The following WDR59 variants were observed in gnomAD, a reference collection of about 807,000 sequenced individuals.
WDR59 encodes WD repeat domain 59, also known as GATOR2 complex protein WDR59.
In WDR59, 100 loss-of-function variants were observed where a neutral mutation model predicts 131.2. The observed-to-expected ratio is 0.76, with a 90% CI of 0.65 to 0.90. The LOEUF is 0.90. Ranked by LOEUF, WDR59 falls within the 40% of genes least tolerant of loss-of-function variation. WDR59 has a pLI of 0.00. For synonymous variants in WDR59, 601 were observed against 466.2 expected, an observed-to-expected ratio of 1.29 and a Z score of -3.72; for missense variants, 1,203 against 1,262.2, an observed-to-expected ratio of 0.95 and a Z score of 0.71.
In WDR59 at chr16:74,909,641, G is replaced by T; in HGVS notation, c.1502C>A (p.Ala501Asp). ...LESFVNQEDS[A>D]SSNPFALPNS... ...GGGGAGTGCAAACGGGTTGCTGGAA[G>T]CGCTGTCTTCCTGGTTCTGAAATTT... Residue 501 changes from alanine (A) to aspartate (D), a missense_variant, in exon 16 of 26, where the codon GCT becomes GAT. Coordinates refer to ENST00000262144, the MANE Select transcript of WDR59 (RefSeq NM_030581.4). 2 of 1,581,860 alleles carry T rather than the reference G, an allele frequency of 1.3e-6. No homozygotes were observed. The highest frequency in any genetic ancestry group is 1.7e-6 in the Non-Finnish European group (2 of 1,167,078).
At chr16:74,881,985 T>C (rs1427525252) in intron 25 of WDR59, among the ~76,000 whole-genome samples, 2 of 152,184 alleles carry the variant, frequency 1.3e-5, no homozygotes, top group South Asian at 2.1e-4. Flanking sequence ...TCTTGTGACA[T>C]TGGTTTTATT....
intron 2 of WDR59, among the ~76,000 whole-genome samples, chr16:74,962,453 G>A (rs1272349363): frequency 1.3e-5 from 2 of 152,068 alleles, no homozygotes; most frequent in Non-Finnish European, 2.9e-5. Context: ...TGTCCTCTCT[G>A]ATTTCCTTGT....
chr16:74,946,339 G>A (rs1266002728), intron 6 of WDR59, among the ~76,000 whole-genome samples: 2 of 152,162 alleles, frequency 1.3e-5, no homozygotes, highest in Non-Finnish European at 2.9e-5. Context: ...GGGGATTACT[G>A]TATTACTATA....
chr16:74,892,180 C>A (rs904450690), intron 20 of WDR59, among the ~76,000 whole-genome samples: 4 of 151,962 alleles, frequency 2.6e-5, no homozygotes. Flanking sequence ...AAAGAAGGAA[C>A]AAATGACAAA....
chr16:74,981,380 A>AC (rs112096553), intron 1 of WDR59, among the ~76,000 whole-genome samples: 3 of 147,870 alleles, frequency 2.0e-5, no homozygotes, highest in African/African-American at 7.4e-5. Context: ...TGTCTCAAAA[A>AC]AAAAACAAAA....
At chr16:74,955,321 G>C (rs749933773) in intron 3 of WDR59, among the ~76,000 whole-genome samples, 72 of 152,242 alleles carry the variant, frequency 4.7e-4, no homozygotes, top group Admixed American at 1.0e-3. Flanking sequence ...TAGGGCCAGG[G>C]ATGCTGCTGA....
chr16:74,945,738 T>C (rs1376566200), intron 6 of WDR59, among the ~76,000 whole-genome samples: 1 of 151,954 alleles, frequency 6.6e-6, no homozygotes, highest in Non-Finnish European at 1.5e-5. Flanking sequence ...CGGGTCCACC[T>C]TCTACAGTGT....
intron 6 of WDR59, among the ~76,000 whole-genome samples, chr16:74,946,026 C>T (rs111773572): frequency 0.03 from 4,567 of 151,938 alleles, 248 homozygotes; most frequent in African/African-American, 0.1. Context: ...CATGTTGAGG[C>T]TGGTCTCGAA....
In WDR59 at chr16:74,918,016, T is replaced by A; in HGVS notation, c.887-8A>T. On this transcript the variant is annotated splice_polypyrimidine_tract_variant and splice_region_variant and intron_variant, in intron 10 of 25. Coordinates refer to ENST00000262144, the MANE Select transcript of WDR59 (RefSeq NM_030581.4). ...GTTGATAGTCCTTGGACCCTAGAAA[T>A]CACCAAATAAGAATCCTGGAAATTC... 1 of 1,612,876 alleles carries A rather than the reference T, an allele frequency of 6.2e-7. No homozygotes were observed. The highest frequency in any genetic ancestry group is 8.5e-7 in the Non-Finnish European group (1 of 1,179,488).
At chr16:74,919,770 T>G (rs117516647) in intron 10 of WDR59, among the ~76,000 whole-genome samples, 2,755 of 152,304 alleles carry the variant, frequency 0.018, 34 homozygotes, top group Non-Finnish European at 0.024. Context: ...GGAGGCATCC[T>G]TGTCCCCTGG....
intron 1 of WDR59, among the ~76,000 whole-genome samples, chr16:74,981,453 G>A (rs1468328468): frequency 6.7e-6 from 1 of 149,638 alleles, no homozygotes; most frequent in Non-Finnish European, 1.5e-5. Context: ...AGCTACTCAG[G>A]AGACTGAGGT....
chr16:74,944,058 A>C (rs1054805059), intron 6 of WDR59, among the ~76,000 whole-genome samples: 1 of 152,174 alleles, frequency 6.6e-6, no homozygotes, highest in Admixed American at 6.5e-5. Flanking sequence ...CCTCCTTGAC[A>C]GAGTTACTTA....
intron 6 of WDR59, among the ~76,000 whole-genome samples, chr16:74,946,606 C>T (rs1019393994): frequency 5.1e-4 from 77 of 152,126 alleles, no homozygotes; most frequent in African/African-American, 1.8e-3. Context: ...CCTGTAATCC[C>T]AGCTACTCGG....
intron 8 of WDR59, among the ~76,000 whole-genome samples, chr16:74,926,833 C>G (rs549869460): frequency 3.3e-5 from 5 of 152,014 alleles, no homozygotes; most frequent in Non-Finnish European, 5.9e-5. Flanking sequence ...ATTTAGAGTT[C>G]GAAGTGGGTG....
At chr16:74,939,188 G>A (rs2032034487) in intron 7 of WDR59, among the ~76,000 whole-genome samples, 1 of 152,028 alleles carries the variant, frequency 6.6e-6, no homozygotes, top group Non-Finnish European at 1.5e-5. Flanking sequence ...CAATCCTCTT[G>A]CCATGGCCTC....
chr16:74,951,046 G>C (rs1418036145), intron 4 of WDR59, among the ~76,000 whole-genome samples: 1 of 150,146 alleles, frequency 6.7e-6, no homozygotes, highest in Non-Finnish European at 1.5e-5. Context: ...TATAATCCCA[G>C]CTATTCTGGA....
rs912336313 is a variant in WDR59, at chr16:74,883,159, G to A, written c.2689+2494C>T. On this transcript the variant is annotated intron_variant, in intron 25 of 25. Coordinates refer to ENST00000262144, the MANE Select transcript of WDR59 (RefSeq NM_030581.4). ...CCTGCCTCAGCCTCCTGAGTAGCTA[G>A]GACTACAAGCACGCACCACCACGCC... Among the ~76,000 whole-genome samples, 3 of 151,210 alleles carry A rather than the reference G, an allele frequency of 2.0e-5. No homozygotes were observed. In the East Asian group the frequency reaches 5.9e-4, roughly 30 times the overall value.
intron 3 of WDR59, among the ~76,000 whole-genome samples, chr16:74,955,035 G>C (rs535569189): frequency 6.6e-6 from 1 of 152,338 alleles, no homozygotes; most frequent in East Asian, 1.9e-4. Context: ...TTGGGAATTG[G>C]ATAGAGGTGG....
chr16:74,985,007 C>T lies in WDR59; in HGVS notation c.11G>A (p.Arg4Gln). The T allele has an allele frequency of 6.3e-7, 1 of 1,586,806 alleles. No individual in the cohort carries two copies. Among genetic ancestry groups the T allele is most frequent in the Non-Finnish European group, 8.6e-7 (1 of 1,166,482 alleles). MAA[R>Q]WSSENVVVEF... ...TACAACCACGTTTTCGCTGCTCCAT[C>T]GCGCCGCCATCTCCCCCGCCCGGCC... Residue 4 changes from arginine (R) to glutamine (Q), a missense_variant, in exon 1 of 26, where the codon CGA (arginine) becomes CAA (glutamine). Transcript: ENST00000262144.
Sources: allele counts gnomAD v4.1 joint callset (sites outside exome capture counted in the v4.1 genomes callset), GRCh38; gene constraint gnomAD v4.1.1; transcripts MANE v1.5; gene names NCBI Gene and HGNC (gene_info 2026-07-23, HGNC 2026-07-21).